The following GRID1 variants were observed in gnomAD, a reference collection of about 807,000 sequenced individuals.
GRID1 encodes the protein glutamate ionotropic receptor delta type subunit 1, also known as glutamate receptor ionotropic, delta-1.
GRID1 carries 28 observed loss-of-function variants against 98.0 expected under a neutral mutation model. The ratio of observed to expected loss-of-function variants is 0.29; its 90% CI spans 0.21 to 0.39. The LOEUF is 0.39. Ranked by LOEUF, GRID1 falls within the 10% of genes least tolerant of loss-of-function variation. The pLI is 1.00. For synonymous variants in GRID1, 553 were observed against 538.5 expected (o/e 1.03, Z -0.37); for missense variants, 1,111 against 1,340.5 (o/e 0.83, Z 2.67).
intron 8 of GRID1, among the ~76,000 whole-genome samples, chr10:85,833,122 C>A (rs1410597925): frequency 6.6e-6 from 1 of 152,174 alleles, no homozygotes; most frequent in Non-Finnish European, 1.5e-5. Context: ...AAAAACTCTT[C>A]ATCCCTATAG....
chr10:86,322,760 TA>T (rs1847988629), intron 2 of GRID1, among the ~76,000 whole-genome samples: 1 of 148,864 alleles, frequency 6.7e-6, no homozygotes, highest in Non-Finnish European at 1.5e-5. Context: ...AAATAAATAA[TA>T]AAAATAAATA....
rs531386195 is a variant in GRID1, at chr10:85,823,046, G to A, written c.1233+31450C>T. Among the ~76,000 whole-genome samples the A allele has an allele frequency of 7.7e-4, 117 of 152,278 alleles. 1 individual carries two copies. The South Asian group carries it at 0.023, about 30-fold the overall frequency. ...CACACCAGGGCCTGTCATGAGTTGC[G>A]GGGAGGGGGTAGGGATAGCATTAGG... On this transcript the variant is annotated intron_variant, in intron 8 of 15. Transcript: ENST00000327946.
chr10:86,207,739 C>G (rs1382010845), intron 2 of GRID1, among the ~76,000 whole-genome samples: 1 of 145,112 alleles, frequency 6.9e-6, no homozygotes, highest in Non-Finnish European at 1.5e-5. Flanking sequence ...TCACGCCATT[C>G]TCCTGCCTCA....
chr10:85,755,609 G>T (rs1365118392), intron 8 of GRID1, among the ~76,000 whole-genome samples: 1 of 152,186 alleles, frequency 6.6e-6, no homozygotes, highest in Non-Finnish European at 1.5e-5. Flanking sequence ...GGGCGCTCAT[G>T]CTCTGCTGGC....
At chr10:86,300,404 C>T (rs114237865) in intron 2 of GRID1, among the ~76,000 whole-genome samples, 1,492 of 148,132 alleles carry the variant, frequency 0.01, 34 homozygotes, top group African/African-American at 0.035. Flanking sequence ...AAGTTTGGGA[C>T]TGCCATCAGC....
chr10:86,219,352 G>A (rs143813919), intron 2 of GRID1, among the ~76,000 whole-genome samples: 6 of 152,282 alleles, frequency 3.9e-5, no homozygotes, highest in South Asian at 2.1e-4. Context: ...TGAGTTCAAC[G>A]CTGCCAACTG....
chr10:86,246,521 C>T (rs1846730154), intron 2 of GRID1, among the ~76,000 whole-genome samples: 1 of 152,186 alleles, frequency 6.6e-6, no homozygotes, highest in Admixed American at 6.5e-5. Context: ...AGAGGAGGAG[C>T]CTGAGAATCT....
chr10:85,923,612 T>C (rs1037814923), intron 4 of GRID1, among the ~76,000 whole-genome samples: 6 of 152,294 alleles, frequency 3.9e-5, no homozygotes, highest in Admixed American at 3.9e-4. Context: ...GCTACTGAGC[T>C]GCAGCCTACA....
At chr10:85,845,964 G>C (rs1276677526) in intron 8 of GRID1, among the ~76,000 whole-genome samples, 5 of 152,148 alleles carry the variant, frequency 3.3e-5, no homozygotes, top group Non-Finnish European at 5.9e-5. Flanking sequence ...CATTTGGTGG[G>C]TGTGGTGATG....
At chr10:85,660,319 ACACT>A (rs1449401972) in intron 12 of GRID1, among the ~76,000 whole-genome samples, 3 of 152,218 alleles carry the variant, frequency 2.0e-5, no homozygotes, top group Non-Finnish European at 4.4e-5. Context: ...TTCAGGCAAG[ACACT>A]CAGGATAACT....
chr10:86,332,868 A>G (rs1848168065), intron 2 of GRID1, among the ~76,000 whole-genome samples: 1 of 152,044 alleles, frequency 6.6e-6, no homozygotes, highest in South Asian at 2.1e-4. Flanking sequence ...TCCAATACCC[A>G]GAAGCCAACC....
chr10:85,779,268 A>G (rs1426849645), intron 8 of GRID1, among the ~76,000 whole-genome samples: 2 of 152,098 alleles, frequency 1.3e-5, no homozygotes, highest in African/African-American at 4.8e-5. Context: ...AAGCACATCA[A>G]ATGGGAACAA....
chr10:86,209,984 A>G (rs562256965), intron 2 of GRID1, among the ~76,000 whole-genome samples: 8 of 152,218 alleles, frequency 5.3e-5, no homozygotes, highest in African/African-American at 1.9e-4. Flanking sequence ...CACACCCCAC[A>G]AGCCAGCCCC....
At chr10:86,295,015 A>G (rs538120032) in intron 2 of GRID1, among the ~76,000 whole-genome samples, 2 of 152,310 alleles carry the variant, frequency 1.3e-5, no homozygotes, top group Admixed American at 6.5e-5. Context: ...CAAGCTACAC[A>G]TAAGTCATGA....
At chr10:85,900,238 T>C (rs758505482) in intron 5 of GRID1, among the ~76,000 whole-genome samples, 1 of 152,214 alleles carries the variant, frequency 6.6e-6, no homozygotes, top group Admixed American at 6.5e-5. Context: ...AATGTGTGTG[T>C]GTACATGTGC....
intron 4 of GRID1, among the ~76,000 whole-genome samples, chr10:86,059,196 C>A (rs1337357184): frequency 6.6e-6 from 1 of 152,156 alleles, no homozygotes; most frequent in Non-Finnish European, 1.5e-5. Flanking sequence ...GCGGCTGGTC[C>A]ACAAGCGTTC....
intron 4 of GRID1, among the ~76,000 whole-genome samples, chr10:86,134,852 C>T (rs562725048): frequency 2.6e-5 from 4 of 152,188 alleles, no homozygotes; most frequent in Non-Finnish European, 4.4e-5. Context: ...CTCTGTCTTC[C>T]GTGCTCTTAC....
intron 2 of GRID1, among the ~76,000 whole-genome samples, chr10:86,272,089 G>A (rs1383189732): frequency 6.6e-6 from 1 of 151,996 alleles, no homozygotes; most frequent in Non-Finnish European, 1.5e-5. Context: ...TTTCTTATCA[G>A]AAACAATACA....
intron 8 of GRID1, among the ~76,000 whole-genome samples, chr10:85,746,796 A>C (rs1414145896): frequency 6.6e-6 from 1 of 152,138 alleles, no homozygotes; most frequent in Non-Finnish European, 1.5e-5. Flanking sequence ...TATGATATAT[A>C]ATAAAATAAA....
Sources: allele counts gnomAD v4.1 joint callset (sites outside exome capture counted in the v4.1 genomes callset), GRCh38; gene constraint gnomAD v4.1.1; transcripts MANE v1.5; gene names NCBI Gene and HGNC (gene_info 2026-07-23, HGNC 2026-07-21).